Variants in IGF2BP2 observed in about 807,000 individuals in gnomAD.
IGF2BP2 encodes the protein insulin-like growth factor 2 mRNA-binding protein 2.
A neutral mutation model predicts 75.8 loss-of-function variants in IGF2BP2; 17 were observed. The ratio of observed to expected loss-of-function variants is 0.22; its 90% CI spans 0.15 to 0.34. The LOEUF is 0.34. Ranked by LOEUF, IGF2BP2 falls within the 10% of genes least tolerant of loss-of-function variation. The pLI is 1.00. For synonymous variants in IGF2BP2, 288 were observed against 295.6 expected (o/e 0.97, Z 0.26); for missense variants, 516 against 772.4 (o/e 0.67, Z 3.93).
At chr3:185,704,141 A>G (rs1723687993) in intron 2 of IGF2BP2, among the ~76,000 whole-genome samples, 1 of 152,192 alleles carries the variant, frequency 6.6e-6, no homozygotes, top group African/African-American at 2.4e-5. Context: ...TCTGAGCTCC[A>G]TCAGATGATA....
chr3:185,683,364 T>C (rs1473136808), intron 7 of IGF2BP2, among the ~76,000 whole-genome samples: 2 of 152,144 alleles, frequency 1.3e-5, no homozygotes, highest in African/African-American at 2.4e-5. Flanking sequence ...CACAGCAATG[T>C]GAATATACTT....
At chr3:185,676,756 G>T (rs899440573) in intron 7 of IGF2BP2, among the ~76,000 whole-genome samples, 1 of 128,226 alleles carries the variant, frequency 7.8e-6, no homozygotes, top group African/African-American at 2.8e-5. Flanking sequence ...ATTTACTGGA[G>T]ATATATATAT....
At chr3:185,817,939 A>G (rs886920538) in intron 2 of IGF2BP2, among the ~76,000 whole-genome samples, 2 of 152,236 alleles carry the variant, frequency 1.3e-5, no homozygotes, top group Non-Finnish European at 2.9e-5. Context: ...AAAGTTTTAG[A>G]GCATGAACTC....
In IGF2BP2 at chr3:185,675,928, C is replaced by T; in HGVS notation, c.813-15G>A. ...TCTCTTCGGCTCTAAAAGAGACAAG[C>T]AGCAAGTTAACACTTCAGATACGTA... On this transcript the variant is annotated splice_polypyrimidine_tract_variant and intron_variant, in intron 7 of 15. Transcript: ENST00000382199. 1.9e-6 allele frequency: 3 copies of T among 1,613,338 alleles called. No individual in the cohort carries two copies. Among genetic ancestry groups the T allele is most frequent in the Non-Finnish European group, 2.5e-6 (3 of 1,179,708 alleles).
intron 2 of IGF2BP2, among the ~76,000 whole-genome samples, chr3:185,787,708 G>T (rs1165973748): frequency 6.6e-6 from 1 of 150,802 alleles, no homozygotes; most frequent in Admixed American, 6.6e-5. Context: ...ACTCCCGCCT[G>T]GGCAACAGAG....
At chr3:185,705,614 C>T (rs1441213549) in intron 2 of IGF2BP2, among the ~76,000 whole-genome samples, 1 of 151,944 alleles carries the variant, frequency 6.6e-6, no homozygotes, top group South Asian at 2.1e-4. Flanking sequence ...GTTTGGACTA[C>T]TATAACAAAA....
rs114792305 is a variant in IGF2BP2 at position 185,704,797 on chromosome 3, G to A, written c.240-6450C>T. Among the ~76,000 whole-genome samples the A allele has an allele frequency of 2.7e-3, 405 of 152,142 alleles. 1 individual carries two copies. The highest frequency in any genetic ancestry group is 9.0e-3 in the African/African-American group (372 of 41,476). ...TTTCTCTCAAACCCAGACACCACAC[G>A]GGAGGATCACAGAGACTGATTAAGA... On this transcript the variant is annotated intron_variant, in intron 2 of 15. Transcript: ENST00000382199.
chr3:185,750,163 T>C (rs1325092221), intron 2 of IGF2BP2, among the ~76,000 whole-genome samples: 1 of 152,146 alleles, frequency 6.6e-6, no homozygotes, highest in African/African-American at 2.4e-5. Flanking sequence ...AGGACCACAC[T>C]GAGAATCACT....
chr3:185,752,140 T>C (rs1262185434), intron 2 of IGF2BP2, among the ~76,000 whole-genome samples: 1 of 152,166 alleles, frequency 6.6e-6, no homozygotes, highest in East Asian at 1.9e-4. Flanking sequence ...AAGGGTTTCA[T>C]GGCATAGGTG....
chr3:185,689,191 G>C, intron 6 of IGF2BP2, 164 bp downstream of exon 6: 2 of 688,808 alleles, frequency 2.9e-6, no homozygotes, highest in Non-Finnish European at 4.8e-6. Flanking sequence ...ACAGCCCCCA[G>C]CTTGATGTTA....
chr3:185,750,815 G>C (rs1730863786), intron 2 of IGF2BP2, among the ~76,000 whole-genome samples: 1 of 152,172 alleles, frequency 6.6e-6, no homozygotes, highest in Non-Finnish European at 1.5e-5. Flanking sequence ...TCAGAACCAG[G>C]ATAGGTGCCA....
chr3:185,741,669 C>T (rs1342419517), intron 2 of IGF2BP2, among the ~76,000 whole-genome samples: 1 of 152,236 alleles, frequency 6.6e-6, no homozygotes, highest in Non-Finnish European at 1.5e-5. Flanking sequence ...TAACTGGCCA[C>T]TGTCATTACA....
chr3:185,811,879 C>CTCT lies in IGF2BP2; in HGVS notation c.239+11273_239+11274insAGA, dbSNP rs1560510415. 7.2e-4 allele frequency among the ~76,000 whole-genome samples: 26 copies of CTCT among 35,940 alleles called. 1 individual carries two copies. Among genetic ancestry groups the CTCT allele is most frequent in the Admixed American group, 2.0e-3 (10 of 4,966 alleles). 23.6% of individuals were successfully genotyped at this position (35,940 alleles called of 152,430 possible). On this transcript the variant is annotated intron_variant, in intron 2 of 15. Coordinates refer to ENST00000382199, the MANE Select transcript of IGF2BP2 (RefSeq NM_006548.6). ...CTCTCTCTCTCTCTCTCTCTCTCTCCCCCTCTCCCTGCCTGGGCATCAGAA... is the reference window on the plus strand; with the variant it reads ...CTCTCTCTCTCTCTCTCTCTCTCTCCTCTCCCTCTCCCTGCCTGGGCATCAGAA...
chr3:185,665,239 AAGGAGAAGAAGGAGAAGGAGGAGG>A (rs1717149838), intron 10 of IGF2BP2, among the ~76,000 whole-genome samples: 3 of 121,688 alleles, frequency 2.5e-5, no homozygotes, highest in South Asian at 3.0e-4. Flanking sequence ...GGAGGAGGAG[AAGGAGAAGAAGGAGAAGGAGGAGG>A]AGGAGGAGGA....
In IGF2BP2 at chr3:185,797,605, T is replaced by TA. The variant is rs570809189; in HGVS notation, c.239+25547dup. 5.4e-4 allele frequency among the ~76,000 whole-genome samples: 82 copies of TA among 152,246 alleles called. No homozygotes were observed. In the South Asian group the frequency reaches 0.015, roughly 28 times the overall value. On this transcript the variant is annotated intron_variant, in intron 2 of 15. Transcript: ENST00000382199. ...GAAACTGTGCATCAGTCCCTTCACT[T>TA]AAAAATGCTTTTCACAGGCCAGGAG... is the stretch of plus-strand genomic sequence containing the variant.
intron 9 of IGF2BP2, chr3:185,675,009 C>CTTTTTTTTTTTTTTTTTTTTTTTTTTT (rs777364824): frequency 9.1e-6 from 1 of 110,010 alleles, no homozygotes; most frequent in Non-Finnish European, 1.8e-5. Flanking sequence ...TCTTGCTTTT[C>CTTTTTTTTTTTTTTTTTTTTTTTTTTT]TTTTTTTTTT....
chr3:185,823,936 T>A (rs562866265), intron 1 of IGF2BP2, among the ~76,000 whole-genome samples: 4 of 151,874 alleles, frequency 2.6e-5, no homozygotes, highest in Non-Finnish European at 4.4e-5. Context: ...CGGTCGCCTC[T>A]TTCCCGGTTC....
chr3:185,660,067 G>C (rs1032026527), intron 10 of IGF2BP2, among the ~76,000 whole-genome samples: 3 of 152,196 alleles, frequency 2.0e-5, no homozygotes, highest in African/African-American at 7.2e-5. Flanking sequence ...AAAGTGCTGA[G>C]GTTACAGGCG....
chr3:185,666,001 C>CATAGATAGATAG (rs57817338), intron 10 of IGF2BP2, among the ~76,000 whole-genome samples: 182 of 145,402 alleles, frequency 1.3e-3, no homozygotes, highest in East Asian at 2.3e-3. Context: ...TAGATAGGTA[C>CATAGATAGATAG]ATAGATAGAT....
Sources: allele counts gnomAD v4.1 joint callset (sites outside exome capture counted in the v4.1 genomes callset), GRCh38; gene constraint gnomAD v4.1.1; transcripts MANE v1.5; gene names NCBI Gene and HGNC (gene_info 2026-07-23, HGNC 2026-07-21).